The following KREMEN1 variants were observed in gnomAD, a reference collection of about 807,000 sequenced individuals.
The protein encoded by KREMEN1 is kringle containing transmembrane protein 1.
KREMEN1 carries 30 observed loss-of-function variants against 46.5 expected under a neutral mutation model. That is an observed-to-expected ratio of 0.65 (90% CI 0.48 to 0.88). The LOEUF (loss-of-function observed/expected upper bound fraction) is 0.88, where lower values mean the gene tolerates loss of function less well. KREMEN1 is among the 40% of genes least tolerant of loss of function. The pLI, the probability that KREMEN1 is intolerant of heterozygous loss-of-function variation, is 0.00. For synonymous variants in KREMEN1, 214 were observed against 230.6 expected, an observed-to-expected ratio of 0.93 and a Z score of 0.65; for missense variants, 533 against 596.9, an observed-to-expected ratio of 0.89 and a Z score of 1.11.
intron 9 of KREMEN1, among the ~76,000 whole-genome samples, chr22:29,160,718 T>G (rs1326141171): frequency 1.3e-5 from 2 of 152,158 alleles, no homozygotes; most frequent in Non-Finnish European, 2.9e-5. Flanking sequence ...ATCTCTGGGA[T>G]GCAGCAAAAG....
intron 3 of KREMEN1, among the ~76,000 whole-genome samples, chr22:29,111,875 G>T (rs895646756): frequency 1.5e-4 from 23 of 152,188 alleles, no homozygotes; most frequent in Admixed American, 1.2e-3. Flanking sequence ...GATTCAAACT[G>T]AGCCTTTACT....
intron 2 of KREMEN1, 152 bp downstream of exon 2, chr22:29,094,572 T>TACACACACACAC (rs134658): frequency 2.8e-4 from 72 of 255,780 alleles, no homozygotes; most frequent in East Asian, 1.7e-3. Context: ...TTTCACACCT[T>TACACACACACAC]ACACACACAC....
chr22:29,091,010 G>C (rs2037795748), intron 1 of KREMEN1, among the ~76,000 whole-genome samples: 1 of 152,140 alleles, frequency 6.6e-6, no homozygotes, highest in Non-Finnish European at 1.5e-5. Flanking sequence ...TTTCACTCTT[G>C]TTGCCCCAGC....
chr22:29,109,320 C>T (rs2038107669), intron 3 of KREMEN1, among the ~76,000 whole-genome samples: 1 of 152,122 alleles, frequency 6.6e-6, no homozygotes. Flanking sequence ...AATCTTTATA[C>T]CAGCACTTGC....
intron 3 of KREMEN1, among the ~76,000 whole-genome samples, chr22:29,119,932 C>T (rs192419057): frequency 7.2e-4 from 109 of 152,178 alleles, no homozygotes; most frequent in Admixed American, 1.5e-3. Flanking sequence ...CCAATGTAAT[C>T]ACAGGGTCCT....
chr22:29,152,566 G>A (rs1408137089), intron 9 of KREMEN1, among the ~76,000 whole-genome samples: 1 of 152,188 alleles, frequency 6.6e-6, no homozygotes, highest in Non-Finnish European at 1.5e-5. Context: ...TTACTGGGCT[G>A]GGATCTGCCC....
At chr22:29,166,933 A>AAAAAC (rs1440982588) in intron 9 of KREMEN1, 1 of 835,432 alleles carries the variant, frequency 1.2e-6, no homozygotes, top group Non-Finnish European at 2.0e-6. Flanking sequence ...GCCCTGTCTC[A>AAAAAC]AAAACAAAAC....
At chr22:29,079,868 A>G (rs2037627693) in intron 1 of KREMEN1, among the ~76,000 whole-genome samples, 3 of 152,206 alleles carry the variant, frequency 2.0e-5, no homozygotes, top group Admixed American at 2.0e-4. Flanking sequence ...TTGCTAACCA[A>G]TCCCATCACA....
intron 9 of KREMEN1, among the ~76,000 whole-genome samples, chr22:29,159,326 A>C (rs114707672): frequency 0.012 from 1,822 of 152,138 alleles, 36 homozygotes; most frequent in African/African-American, 0.042. Flanking sequence ...AGCAAAAACA[A>C]AACAAAACCA....
intron 9 of KREMEN1, among the ~76,000 whole-genome samples, chr22:29,163,288 G>A (rs1027976945): frequency 7.2e-5 from 11 of 152,146 alleles, no homozygotes; most frequent in Admixed American, 1.3e-4. Context: ...ATGCTTGTAA[G>A]TTTCCTGAGG....
At chr22:29,126,958 A>G (rs2038454396) in intron 5 of KREMEN1, among the ~76,000 whole-genome samples, 2 of 152,232 alleles carry the variant, frequency 1.3e-5, no homozygotes, top group Admixed American at 6.5e-5. Flanking sequence ...TAGTTGGCAA[A>G]TAACTACCCA....
intron 1 of KREMEN1, among the ~76,000 whole-genome samples, chr22:29,091,438 C>G (rs1476556795): frequency 6.6e-6 from 1 of 152,082 alleles, no homozygotes; most frequent in Non-Finnish European, 1.5e-5. Context: ...TCACCCTTCA[C>G]ACTTTAAAAA....
intron 5 of KREMEN1, among the ~76,000 whole-genome samples, chr22:29,136,590 T>A (rs865889516): frequency 0.036 from 5,071 of 140,692 alleles, 304 homozygotes; most frequent in African/African-American, 0.14. Flanking sequence ...AAAAAAAAAA[T>A]AGAATCCTAG....
chr22:29,125,253 G>A lies in KREMEN1; in HGVS notation c.478-10G>A. 1 of 1,613,950 alleles carries A rather than the reference G, an allele frequency of 6.2e-7. No individual in the cohort carries two copies. The highest frequency in any genetic ancestry group is 8.5e-7 in the Non-Finnish European group (1 of 1,179,886). ...GATGCTTACCGTGTGCTGCTTCTCT[G>A]TTGTGGCAGTTTGCTGGGATGGAGT... On this transcript the variant is annotated splice_polypyrimidine_tract_variant and intron_variant, in intron 4 of 8. Transcript: ENST00000400335.
At chr22:29,100,394 G>A (rs779281999) in intron 3 of KREMEN1, among the ~76,000 whole-genome samples, 3 of 152,122 alleles carry the variant, frequency 2.0e-5, no homozygotes, top group Non-Finnish European at 4.4e-5. Context: ...GATTACAGGC[G>A]TGGACTAGTC....
intron 4 of KREMEN1, among the ~76,000 whole-genome samples, chr22:29,124,205 A>G (rs559366581): frequency 6.1e-4 from 93 of 152,338 alleles, no homozygotes; most frequent in African/African-American, 2.1e-3. Flanking sequence ...CATCCATACA[A>G]TGAACTCTGC....
rs749531697 is a variant in KREMEN1, at chr22:29,094,279, C to T, written c.119C>T (p.Ala40Val). ...CTAGAGTGTTTCACAGCCAATGGTG[C>T]GGATTATAGGGGAACACAGAACTGG... ...PGPECFTANG[A>V]DYRGTQNWTA... Residue 40 changes from alanine to valine, a missense_variant, in exon 2 of 9, where the codon GCG becomes GTG. Coordinates refer to ENST00000400335, the MANE Select transcript of KREMEN1 (RefSeq NM_001039570.3). 5.6e-6 allele frequency: 9 copies of T among 1,609,330 alleles called. No homozygotes were observed. The highest frequency in any genetic ancestry group is 7.6e-6 in the Non-Finnish European group (9 of 1,178,498).
chr22:29,102,586 C>T (rs1156467669), intron 3 of KREMEN1, among the ~76,000 whole-genome samples: 1 of 152,080 alleles, frequency 6.6e-6, no homozygotes, highest in Admixed American at 6.5e-5. Context: ...CTTTGACTTG[C>T]ATTTCTAAAA....
At chr22:29,118,689 C>A (rs548365565) in intron 3 of KREMEN1, among the ~76,000 whole-genome samples, 1 of 152,084 alleles carries the variant, frequency 6.6e-6, no homozygotes. Context: ...CTCCCAAAGG[C>A]CTCACCTCCA....
Sources: gnomAD v4.1 joint callset for allele counts (sites outside exome capture counted in the v4.1 genomes callset) on GRCh38, gnomAD v4.1.1 for gene constraint, MANE v1.5 for transcripts, NCBI Gene and HGNC (gene_info 2026-07-23, HGNC 2026-07-21) for gene names.